Variants in GPR158 observed in about 807,000 individuals in gnomAD.
GPR158 encodes the protein metabotropic glycine receptor.
GPR158 carries 30 observed loss-of-function variants against 78.2 expected under a neutral mutation model. That is an observed-to-expected ratio of 0.38 (90% CI 0.29 to 0.52). The LOEUF is 0.52. GPR158 is among the 20% of genes least tolerant of loss of function. GPR158 has a pLI of 0.83. For missense variants in GPR158, 1,463 were observed against 1,523.5 expected, an observed-to-expected ratio of 0.96 and a Z score of 0.66; for synonymous variants, 581 against 591.1, an observed-to-expected ratio of 0.98 and a Z score of 0.25.
chr10:25,432,656 C>T (rs1275983776), intron 4 of GPR158, among the ~76,000 whole-genome samples: 1 of 152,108 alleles, frequency 6.6e-6, no homozygotes, highest in Non-Finnish European at 1.5e-5. Context: ...TATTACATTT[C>T]CACCATTTAT....
At chr10:25,576,561 A>G (rs1003141671) in intron 7 of GPR158, among the ~76,000 whole-genome samples, 3 of 152,204 alleles carry the variant, frequency 2.0e-5, no homozygotes, top group African/African-American at 7.2e-5. Context: ...GAGGACATAG[A>G]GAGTAATGAC....
chr10:25,215,454 A>G (rs1330820112), intron 1 of GPR158, among the ~76,000 whole-genome samples: 1 of 152,236 alleles, frequency 6.6e-6, no homozygotes, highest in Non-Finnish European at 1.5e-5. Flanking sequence ...GTTGCACAAT[A>G]ATATGTATGA....
At chr10:25,446,247 G>A (rs1835137292) in intron 4 of GPR158, among the ~76,000 whole-genome samples, 1 of 152,126 alleles carries the variant, frequency 6.6e-6, no homozygotes, top group Non-Finnish European at 1.5e-5. Flanking sequence ...TGGTATCAGA[G>A]AACTAGTGCA....
intron 2 of GPR158, among the ~76,000 whole-genome samples, chr10:25,324,501 C>G (rs1320584136): frequency 6.6e-6 from 1 of 152,020 alleles, no homozygotes; most frequent in Non-Finnish European, 1.5e-5. Flanking sequence ...CATGGTATCC[C>G]AAACAATTAT....
chr10:25,437,695 C>T (rs1835015795), intron 4 of GPR158, among the ~76,000 whole-genome samples: 2 of 152,082 alleles, frequency 1.3e-5, no homozygotes, highest in African/African-American at 4.8e-5. Context: ...GAACTTTTGT[C>T]TGAGCAGTTT....
At chr10:25,251,682 T>C (rs368484028) in intron 2 of GPR158, among the ~76,000 whole-genome samples, 20 of 151,810 alleles carry the variant, frequency 1.3e-4, no homozygotes, top group African/African-American at 4.1e-4. Flanking sequence ...CCGAGAGATC[T>C]GCTGTTAGTC....
At chr10:25,574,161 A>G (rs1280115994) in intron 7 of GPR158, among the ~76,000 whole-genome samples, 1 of 150,704 alleles carries the variant, frequency 6.6e-6, no homozygotes, top group Non-Finnish European at 1.5e-5. Flanking sequence ...AAAAAAAAAA[A>G]AAAAAAAAAA....
intron 5 of GPR158, among the ~76,000 whole-genome samples, chr10:25,534,283 G>GT (rs1245851600): frequency 9.2e-5 from 14 of 152,042 alleles, no homozygotes; most frequent in Admixed American, 3.3e-4. Flanking sequence ...AATCTGCCAG[G>GT]TTTTACCTGA....
At chr10:25,388,610 C>G (rs1834252786) in intron 2 of GPR158, among the ~76,000 whole-genome samples, 1 of 152,246 alleles carries the variant, frequency 6.6e-6, no homozygotes, top group Admixed American at 6.5e-5. Flanking sequence ...AGGTCACCTG[C>G]TGGTGGAGGA....
chr10:25,473,340 T>C (rs1835535921), intron 5 of GPR158, among the ~76,000 whole-genome samples: 1 of 152,224 alleles, frequency 6.6e-6, no homozygotes, highest in African/African-American at 2.4e-5. Flanking sequence ...TTTGATGTGC[T>C]GCTGGATTCG....
intron 2 of GPR158, among the ~76,000 whole-genome samples, chr10:25,232,373 A>G (rs1441976235): frequency 6.6e-6 from 1 of 152,168 alleles, no homozygotes; most frequent in East Asian, 1.9e-4. Context: ...TATGGTGGAA[A>G]GTTGTCAAAG....
In GPR158 at chr10:25,250,618, C is replaced by T. The variant is rs1236302807; in HGVS notation, c.1008+29461C>T. Among the ~76,000 whole-genome samples, 456 of 149,682 alleles carry T rather than the reference C, an allele frequency of 3.0e-3. 3 individuals are homozygous for T. Among genetic ancestry groups the T allele is most frequent in the African/African-American group, 9.2e-3 (369 of 40,096 alleles). ...GTTGTTCAATTTCCATGTAGTTGAG[C>T]GGCTTTGAGTGAGATTCTTAATCCT... is the stretch of plus-strand genomic sequence containing the variant. On this transcript the variant is annotated intron_variant, in intron 2 of 10. Transcript: ENST00000376351.
intron 4 of GPR158, among the ~76,000 whole-genome samples, chr10:25,453,206 G>A (rs965385336): frequency 1.1e-4 from 17 of 152,242 alleles, no homozygotes; most frequent in South Asian, 4.1e-4. Flanking sequence ...ATACCGCTTC[G>A]ACATACTGAT....
At chr10:25,418,802 GT>G (rs1415783943) in intron 4 of GPR158, among the ~76,000 whole-genome samples, 1 of 76,224 alleles carries the variant, frequency 1.3e-5, no homozygotes, top group Non-Finnish European at 3.5e-5. Flanking sequence ...ATTTTAGCAT[GT>G]TTTGAGTTTA....
At chr10:25,219,440 C>T (rs996130718) in intron 1 of GPR158, among the ~76,000 whole-genome samples, 1 of 152,072 alleles carries the variant, frequency 6.6e-6, no homozygotes, top group Admixed American at 6.6e-5. Flanking sequence ...TGTTTTATTG[C>T]GTTATGGCCC....
chr10:25,440,682 G>T (rs1835055756), intron 4 of GPR158, among the ~76,000 whole-genome samples: 2 of 152,098 alleles, frequency 1.3e-5, no homozygotes, highest in African/African-American at 4.8e-5. Context: ...AAAGGTACTA[G>T]ATAAGTGCAG....
At chr10:25,274,924 CAA>C (rs954299651) in intron 2 of GPR158, among the ~76,000 whole-genome samples, 9 of 152,022 alleles carry the variant, frequency 5.9e-5, no homozygotes, top group Admixed American at 6.6e-5. Flanking sequence ...GTTACGGTGA[CAA>C]AGACGAATTA....
At position 25,382,938 on chromosome 10, in the gene GPR158, C is replaced by T. The variant is rs549716561; in HGVS notation, c.1009-12973C>T. On this transcript the variant is annotated intron_variant, in intron 2 of 10. Coordinates refer to ENST00000376351, the MANE Select transcript of GPR158 (RefSeq NM_020752.3). The stretch of plus-strand genomic sequence containing the variant: ...CCTCCTTCCTTCTCCCAGGTTCAAG[C>T]GATTCTCCTGCCTCAGCCCCCTGAG... Among the ~76,000 whole-genome samples, 169 of 152,068 alleles carry T rather than the reference C, an allele frequency of 1.1e-3. 1 individual carries two copies. The highest frequency in any genetic ancestry group is 3.9e-3 in the African/African-American group (161 of 41,484).
intron 1 of GPR158, among the ~76,000 whole-genome samples, chr10:25,207,320 C>T (rs1853056071): frequency 6.6e-6 from 1 of 152,150 alleles, no homozygotes. Context: ...GGACAGATTT[C>T]TTCTCTTGCT....
Sources: gnomAD v4.1 joint callset for allele counts (sites outside exome capture counted in the v4.1 genomes callset) on GRCh38, gnomAD v4.1.1 for gene constraint, MANE v1.5 for transcripts, NCBI Gene and HGNC (gene_info 2026-07-23, HGNC 2026-07-21) for gene names.